Variants in GULP1 observed in about 807,000 individuals in gnomAD.
GULP1 encodes the protein PTB domain-containing engulfment adapter protein 1.
GULP1 carries 19 observed loss-of-function variants against 40.9 expected under a neutral mutation model. The observed-to-expected ratio is 0.46, with a 90% CI of 0.32 to 0.68. The LOEUF is 0.68. Ranked by LOEUF, GULP1 falls within the 30% of genes least tolerant of loss-of-function variation. GULP1 has a pLI of 0.03. For missense variants in GULP1, 312 were observed against 362.2 expected (o/e 0.86, Z 1.12); for synonymous variants, 119 against 117.6 (o/e 1.01, Z -0.08).
At chr2:188,412,290 GC>G (rs2053996235) in intron 2 of GULP1, among the ~76,000 whole-genome samples, 1 of 151,970 alleles carries the variant, frequency 6.6e-6, no homozygotes, top group Non-Finnish European at 1.5e-5. Context: ...AAGGTTAACC[GC>G]CCCCATGATT....
intron 1 of GULP1, among the ~76,000 whole-genome samples, chr2:188,374,614 C>T (rs2048057049): frequency 6.6e-6 from 1 of 151,970 alleles, no homozygotes; most frequent in African/African-American, 2.4e-5. Flanking sequence ...AAAAAGGGTG[C>T]TGATTGTATT....
chr2:188,517,154 T>A (rs1419375299), intron 4 of GULP1, among the ~76,000 whole-genome samples: 3 of 152,184 alleles, frequency 2.0e-5, no homozygotes, highest in African/African-American at 7.2e-5. Context: ...TGTATGTTTT[T>A]ATTCTGTATG....
chr2:188,420,837 C>T (rs1393473176), intron 2 of GULP1, among the ~76,000 whole-genome samples: 2 of 152,070 alleles, frequency 1.3e-5, no homozygotes, highest in Non-Finnish European at 2.9e-5. Flanking sequence ...GTTCTTACTC[C>T]AGTCTGTGGA....
intron 6 of GULP1, among the ~76,000 whole-genome samples, chr2:188,529,596 G>T (rs537815400): frequency 4.6e-5 from 7 of 151,958 alleles, no homozygotes; most frequent in Non-Finnish European, 1.0e-4. Context: ...AGTTTTTTAC[G>T]GAGGCTGAAA....
chr2:188,491,784 C>CATTT (rs2062416536), intron 4 of GULP1, among the ~76,000 whole-genome samples: 1 of 152,046 alleles, frequency 6.6e-6, no homozygotes, highest in African/African-American at 2.4e-5. Context: ...CCTTAGGCAA[C>CATTT]ATATACATAA....
chr2:188,459,529 C>T (rs1365694877), intron 2 of GULP1, among the ~76,000 whole-genome samples: 2 of 151,954 alleles, frequency 1.3e-5, no homozygotes, highest in Non-Finnish European at 2.9e-5. Context: ...TAGATTTTTT[C>T]CTGCAGAGTT....
chr2:188,369,693 T>C (rs1352627217), intron 1 of GULP1, among the ~76,000 whole-genome samples: 1 of 152,194 alleles, frequency 6.6e-6, no homozygotes, highest in African/African-American at 2.4e-5. Flanking sequence ...CTTATACTTA[T>C]TATTCATGAA....
intron 2 of GULP1, among the ~76,000 whole-genome samples, chr2:188,413,139 T>C (rs1352495592): frequency 3.9e-5 from 6 of 152,186 alleles, no homozygotes; most frequent in Admixed American, 3.3e-4. Context: ...TTTATGCATA[T>C]TGCTGAAATT....
intron 4 of GULP1, among the ~76,000 whole-genome samples, chr2:188,511,071 A>C (rs977671854): frequency 2.0e-5 from 3 of 152,114 alleles, no homozygotes; most frequent in African/African-American, 7.2e-5. Flanking sequence ...TCACAAGAAC[A>C]CTGAGATTTT....
intron 4 of GULP1, among the ~76,000 whole-genome samples, chr2:188,490,456 C>T (rs2062262795): frequency 6.6e-6 from 1 of 152,056 alleles, no homozygotes; most frequent in Non-Finnish European, 1.5e-5. Context: ...TGGAACCCTG[C>T]CCCTGTCTGT....
intron 2 of GULP1, among the ~76,000 whole-genome samples, chr2:188,444,844 A>G (rs1417080204): frequency 6.6e-6 from 1 of 152,178 alleles, no homozygotes; most frequent in Non-Finnish European, 1.5e-5. Flanking sequence ...AAAATATCCT[A>G]TACTTTCACC....
intron 7 of GULP1, among the ~76,000 whole-genome samples, chr2:188,543,138 G>A (rs528587367): frequency 5.9e-5 from 9 of 151,918 alleles, no homozygotes; most frequent in African/African-American, 1.4e-4. Flanking sequence ...TGGATATAGC[G>A]TATCAACTAT....
intron 9 of GULP1, among the ~76,000 whole-genome samples, chr2:188,580,444 TTGGG>T (rs1701041880): frequency 6.6e-6 from 1 of 150,520 alleles, no homozygotes; most frequent in Non-Finnish European, 1.5e-5. Context: ...TCCCAGCTAC[TTGGG>T]AGGCTGAGGC....
intron 1 of GULP1, among the ~76,000 whole-genome samples, chr2:188,344,725 TTCTCA>T (rs2043397685): frequency 6.6e-6 from 1 of 152,170 alleles, no homozygotes; most frequent in East Asian, 1.9e-4. Context: ...TTGGTGACCA[TTCTCA>T]TCTCACTTGA....
chr2:188,584,736 A>G (rs1258643182), intron 10 of GULP1, among the ~76,000 whole-genome samples: 1 of 151,966 alleles, frequency 6.6e-6, no homozygotes, highest in Non-Finnish European at 1.5e-5. Flanking sequence ...TGGTAATTAA[A>G]TTGATCATTT....
intron 1 of GULP1, among the ~76,000 whole-genome samples, chr2:188,313,176 T>G (rs2038470999): frequency 6.6e-6 from 1 of 152,114 alleles, no homozygotes; most frequent in Non-Finnish European, 1.5e-5. Context: ...TTGACGTTTT[T>G]GTTATGAAGT....
At chr2:188,373,828 G>T (rs937527281) in intron 1 of GULP1, among the ~76,000 whole-genome samples, 4 of 151,982 alleles carry the variant, frequency 2.6e-5, no homozygotes, top group African/African-American at 9.7e-5. Flanking sequence ...GGAATGAAGA[G>T]AGATCATTTG....
chr2:188,374,584 T>C (rs2048051190), intron 1 of GULP1, among the ~76,000 whole-genome samples: 1 of 152,102 alleles, frequency 6.6e-6, no homozygotes. Context: ...TTGAAAGGGA[T>C]TGTTTCTTTG....
chr2:188,456,745 A>G (rs1057335496), intron 2 of GULP1, among the ~76,000 whole-genome samples: 12 of 152,068 alleles, frequency 7.9e-5, no homozygotes, highest in Admixed American at 2.6e-4. Flanking sequence ...CCCCAGAATG[A>G]TATATCTGCT....
Sources: gnomAD v4.1 joint callset for allele counts (sites outside exome capture counted in the v4.1 genomes callset) on GRCh38, gnomAD v4.1.1 for gene constraint, MANE v1.5 for transcripts, NCBI Gene and HGNC (gene_info 2026-07-23, HGNC 2026-07-21) for gene names.